Variants in SLC39A14 observed in about 807,000 individuals in gnomAD.
SLC39A14 encodes solute carrier family 39 member 14, also known as metal cation symporter ZIP14.
In SLC39A14, 19 loss-of-function variants were observed where a neutral mutation model predicts 45.5. That is an observed-to-expected ratio of 0.42 (90% CI 0.29 to 0.61). The LOEUF (loss-of-function observed/expected upper bound fraction) is 0.61, where lower values mean the gene tolerates loss of function less well. SLC39A14 is among the 20% of genes least tolerant of loss of function. SLC39A14 has a pLI of 0.22. For missense variants in SLC39A14, 447 were observed against 616.5 expected (o/e 0.73, Z 2.91); for synonymous variants, 264 against 251.3 (o/e 1.05, Z -0.48).
Position 22,404,901 on chromosome 8 carries a change from C to A in SLC39A14, c.191C>A (p.Ala64Asp). Reference sequence around the variant, plus strand: ...AGCCTCACTCTGCAGCAGCTGAAGGCCCTACTCAACCACCTGGATGTGGGA... The same window carrying A: ...AGCCTCACTCTGCAGCAGCTGAAGGACCTACTCAACCACCTGGATGTGGGA... ...GDSLTLQQLK[A>D]LLNHLDVGVG... The change falls in exon 2 of 9, where the codon GCC becomes GAC. Residue 64 changes from alanine (A) to aspartate (D), a missense_variant. Around this residue, in one of 2 missense-constraint regions of SLC39A14, gnomAD observed 342 missense variants for 428.1 expected, o/e 0.80. Coordinates refer to ENST00000381237, the MANE Select transcript of SLC39A14 (RefSeq NM_001128431.4). The A allele has an allele frequency of 6.2e-7, 1 of 1,614,188 alleles. No homozygotes were observed. The highest frequency in any genetic ancestry group is 8.5e-7 in the Non-Finnish European group (1 of 1,180,018).
At chr8:22,429,073 C>A (rs951171075) in intron 8 of SLC39A14, among the ~76,000 whole-genome samples, 11 of 151,928 alleles carry the variant, frequency 7.2e-5, no homozygotes, top group Admixed American at 2.6e-4. Flanking sequence ...GAGATCGAGA[C>A]CATCCTGGCT....
downstream of SLC39A14, among the ~76,000 whole-genome samples, chr8:22,423,150 T>C (rs1305025207): frequency 6.6e-6 from 1 of 151,680 alleles, no homozygotes; most frequent in East Asian, 1.9e-4. Flanking sequence ...TACTCTCTTC[T>C]CTTTTCTTTC....
intron 1 of SLC39A14, among the ~76,000 whole-genome samples, chr8:22,379,702 G>A (rs888737720): frequency 2.6e-5 from 4 of 152,006 alleles, no homozygotes; most frequent in Admixed American, 1.3e-4. Flanking sequence ...AGGCCGAGGC[G>A]GGTGGATCAC....
At chr8:22,389,322 C>T (rs1253702116) in intron 1 of SLC39A14, among the ~76,000 whole-genome samples, 3 of 152,180 alleles carry the variant, frequency 2.0e-5, no homozygotes, top group African/African-American at 7.2e-5. Flanking sequence ...AACCCCTTTC[C>T]TGGAGAAATT....
At chr8:22,417,879 A>G (rs751678319) in intron 8 of SLC39A14, 44 bp downstream of exon 8, 3 of 1,534,916 alleles carry the variant, frequency 2.0e-6, no homozygotes, top group Non-Finnish European at 2.7e-6. Context: ...GGCTAAGGGG[A>G]TGGATGTTAG....
At chr8:22,391,617 G>A (rs1834077381) in intron 1 of SLC39A14, among the ~76,000 whole-genome samples, 1 of 151,658 alleles carries the variant, frequency 6.6e-6, no homozygotes, top group African/African-American at 2.4e-5. Context: ...GTTGCCCAGG[G>A]TGGAGTGCAG....
At chr8:22,400,255 G>C (rs1834779093) in intron 1 of SLC39A14, among the ~76,000 whole-genome samples, 1 of 152,192 alleles carries the variant, frequency 6.6e-6, no homozygotes, top group Non-Finnish European at 1.5e-5. Context: ...TGCTTCTGTG[G>C]GTCATGTTTC....
chr8:22,428,587 C>T (rs1190851617), intron 8 of SLC39A14, among the ~76,000 whole-genome samples: 3 of 151,494 alleles, frequency 2.0e-5, no homozygotes, highest in Non-Finnish European at 2.9e-5. Flanking sequence ...GGATTACAGG[C>T]GCATGCCACC....
chr8:22,418,872 A>G (rs567257544), intron 8 of SLC39A14, among the ~76,000 whole-genome samples: 1 of 152,284 alleles, frequency 6.6e-6, no homozygotes, highest in Admixed American at 6.5e-5. Context: ...TAAAGTGTTT[A>G]AAGTCCATAA....
chr8:22,412,175 A>C lies in SLC39A14; in HGVS notation c.596A>C (p.Tyr199Ser), dbSNP rs1156747983. 1 of 1,551,114 alleles carries C rather than the reference A, an allele frequency of 6.4e-7. No homozygotes were observed. Among genetic ancestry groups the C allele is most frequent in the Admixed American group, 2.0e-5 (1 of 50,952 alleles). The change falls in exon 4 of 9, where the codon TAC (tyrosine) becomes TCC (serine). Residue 199 changes from tyrosine (Y) to serine (S), a missense_variant. Around this residue, in one of 2 missense-constraint regions of SLC39A14, gnomAD observed 342 missense variants for 428.1 expected, o/e 0.80. Coordinates refer to ENST00000381237, the MANE Select transcript of SLC39A14 (RefSeq NM_001128431.4). ...YFIALAIGTLYSNALFQLIPE... is the reference protein window; with the variant it reads ...YFIALAIGTLSSNALFQLIPE... ...ATAGCTCTGGCGATTGGAACCCTCT[A>C]CTCCAACGCCCTCTTCCAGCTCATC...
At position 22,411,803 on chromosome 8, in the gene SLC39A14, G is replaced by A. The variant is rs905079786; in HGVS notation, c.458-234G>A. ...CTTGAATTCCTCTTTCTTCTGAACT[G>A]ATTGAAGGAAATTTCATCAGATGTG... is the stretch of plus-strand genomic sequence containing the variant. On this transcript the variant is annotated intron_variant, in intron 3 of 8. Coordinates refer to ENST00000381237, the MANE Select transcript of SLC39A14 (RefSeq NM_001128431.4). The A allele has an allele frequency of 3.5e-5, 18 of 520,016 alleles. No individual in the cohort carries two copies. The Admixed American group carries it at 5.1e-4, about 15-fold the overall frequency. 32.2% of individuals were successfully genotyped at this position (520,016 alleles called of 1,614,324 possible). A position where few individuals can be genotyped will look rare whatever the true frequency, so the allele number is the denominator to read the frequency against.
Position 22,419,887 on chromosome 8 carries a change from A to G in SLC39A14, c.*189A>G. On this transcript the variant is annotated 3_prime_UTR_variant, in exon 9 of 9. Transcript: ENST00000381237. ...ATCCTAGGAATAAGCTGCCCTGGTA[A>G]CCAGTCTCTAGCTAGTGCCTCTTGC... 7.7e-7 allele frequency: 1 copy of G among 1,306,156 alleles called. No homozygotes were observed. The highest frequency in any genetic ancestry group is 1.5e-5 in the African/African-American group (1 of 67,276). 80.9% of individuals were successfully genotyped at this position (1,306,156 alleles called of 1,614,324 possible). A position where few individuals can be genotyped will look rare whatever the true frequency, so the allele number is the denominator to read the frequency against.
intron 4 of SLC39A14, among the ~76,000 whole-genome samples, chr8:22,412,668 G>C (rs528473546): frequency 6.6e-6 from 1 of 152,306 alleles, no homozygotes; most frequent in East Asian, 1.9e-4. Flanking sequence ...CATCAGCCGG[G>C]TGCAGTGGCT....
chr8:22,392,787 C>G (rs1272464130), intron 1 of SLC39A14: 1 of 151,716 alleles, frequency 6.6e-6, no homozygotes, highest in Admixed American at 6.6e-5. Flanking sequence ...CTCCCTCCCT[C>G]CCTCCCTCCT....
intron 8 of SLC39A14, 95 bp downstream of exon 8, chr8:22,417,930 T>G: frequency 3.5e-5 from 33 of 955,700 alleles, no homozygotes; most frequent in Non-Finnish European, 4.4e-5. Context: ...TGAGATGGAG[T>G]CTCACTCTGT....
chr8:22,375,557 C>T (rs1833170987), intron 1 of SLC39A14, among the ~76,000 whole-genome samples: 1 of 152,016 alleles, frequency 6.6e-6, no homozygotes, highest in Non-Finnish European at 1.5e-5. Context: ...ACAATCTCGG[C>T]TCACTGCAAC....
intron 1 of SLC39A14, among the ~76,000 whole-genome samples, chr8:22,395,015 CTTTT>C (rs56710226): frequency 6.9e-6 from 1 of 145,194 alleles, no homozygotes. Context: ...TCTTTTCTCT[CTTTT>C]TTTTTTTTTG....
intron 1 of SLC39A14, among the ~76,000 whole-genome samples, chr8:22,385,848 G>A (rs1336522198): frequency 1.3e-5 from 2 of 152,156 alleles, no homozygotes; most frequent in African/African-American, 2.4e-5. Flanking sequence ...AGTTAAAAAA[G>A]AAATTAGAAT....
chr8:22,419,410 C>T, intron 8 of SLC39A14, 142 bp from the exon 9 acceptor site: 1 of 749,866 alleles, frequency 1.3e-6, no homozygotes, highest in Non-Finnish European at 2.2e-6. Flanking sequence ...TCTCGAACTC[C>T]TGACCTCTAG....
Sources: allele counts gnomAD v4.1 joint callset (sites outside exome capture counted in the v4.1 genomes callset), GRCh38; gene constraint gnomAD v4.1.1; regional missense constraint gnomAD v4.1.1; transcripts MANE v1.5; gene names NCBI Gene and HGNC (gene_info 2026-07-23, HGNC 2026-07-21).